Variants in ARHGAP42 observed in about 807,000 individuals in gnomAD.
ARHGAP42 encodes the protein rho GTPase-activating protein 42.
In ARHGAP42, 63 loss-of-function variants were observed where a neutral mutation model predicts 125.0. The observed-to-expected ratio is 0.50, with a 90% CI of 0.41 to 0.62. The LOEUF is 0.62. Ranked by LOEUF, ARHGAP42 falls within the 20% of genes least tolerant of loss-of-function variation. ARHGAP42 has a pLI of 0.00. For missense variants in ARHGAP42, 766 were observed against 1,024.2 expected, an observed-to-expected ratio of 0.75 and a Z score of 3.44; for synonymous variants, 339 against 351.0, an observed-to-expected ratio of 0.97 and a Z score of 0.38.
chr11:100,990,060 T>C lies in ARHGAP42; in HGVS notation c.*1259T>C, dbSNP rs566168622. 4 of 152,334 alleles carry C rather than the reference T, an allele frequency of 2.6e-5. No individual in the cohort carries two copies. Among genetic ancestry groups the C allele is most frequent in the African/African-American group, 9.6e-5 (4 of 41,580 alleles). 9.4% of individuals were successfully genotyped at this position (152,334 alleles called of 1,614,324 possible). A position where few individuals can be genotyped will look rare whatever the true frequency, so the allele number is the denominator to read the frequency against. ...GTAATAGGTATTTACTGTCCACTTA[T>C]ATATATCAGCATCTGGTCATGCACG... On this transcript the variant is annotated 3_prime_UTR_variant, in exon 24 of 24. Coordinates refer to ENST00000298815, the MANE Select transcript of ARHGAP42 (RefSeq NM_152432.4).
intron 17 of ARHGAP42, among the ~76,000 whole-genome samples, chr11:100,972,770 T>C: frequency 6.6e-6 from 1 of 152,154 alleles, no homozygotes; most frequent in East Asian, 1.9e-4. Context: ...CAATAATATG[T>C]AGGAAAATTC....
chr11:100,956,408 C>G (rs184524183), intron 12 of ARHGAP42, among the ~76,000 whole-genome samples: 101 of 152,258 alleles, frequency 6.6e-4, no homozygotes, highest in East Asian at 5.4e-3. Flanking sequence ...ATTGTTTTCA[C>G]TCTGGAACTT....
At chr11:100,697,452 G>A (rs533425791) in intron 1 of ARHGAP42, among the ~76,000 whole-genome samples, 1 of 152,326 alleles carries the variant, frequency 6.6e-6, no homozygotes, top group East Asian at 1.9e-4. Flanking sequence ...AAAGTGCTGG[G>A]ATTACAGGCG....
At chr11:100,929,125 T>C (rs1867506899) in intron 6 of ARHGAP42, among the ~76,000 whole-genome samples, 1 of 152,098 alleles carries the variant, frequency 6.6e-6, no homozygotes, top group African/African-American at 2.4e-5. Flanking sequence ...CATGAAAAAA[T>C]TGGTGAGGAG....
intron 2 of ARHGAP42, among the ~76,000 whole-genome samples, chr11:100,781,947 T>G (rs114883253): frequency 0.047 from 7,149 of 151,878 alleles, 569 homozygotes; most frequent in African/African-American, 0.16. Context: ...TTTTTTTTTT[T>G]TGTGCATTTA....
rs569833846 is a variant in ARHGAP42, at chr11:100,781,270, G to A, written c.250+10832G>A. On this transcript the variant is annotated intron_variant, in intron 2 of 23. Transcript: ENST00000298815. ...CTTTATGTACATGTGAGGGTGGGGA[G>A]GAACAACATGAACTGTTTTTTTTTT... is the stretch of plus-strand genomic sequence containing the variant. 2.2e-3 allele frequency among the ~76,000 whole-genome samples: 340 copies of A among 151,516 alleles called. 2 individuals are homozygous for A. The highest frequency in any genetic ancestry group is 7.8e-3 in the African/African-American group (319 of 41,114).
At chr11:100,930,405 C>T (rs866509009) in intron 6 of ARHGAP42, among the ~76,000 whole-genome samples, 1 of 152,104 alleles carries the variant, frequency 6.6e-6, no homozygotes, top group Non-Finnish European at 1.5e-5. Flanking sequence ...ATGCAATCTT[C>T]AATAAACCCA....
chr11:100,986,310 T>G (rs1377856464), intron 22 of ARHGAP42: 1 of 324,206 alleles, frequency 3.1e-6, no homozygotes, highest in African/African-American at 2.2e-5. Context: ...CATGTGAAGA[T>G]CAAGAGGAAA....
chr11:100,751,773 CTTTTTTTTTTT>C (rs757372755), intron 1 of ARHGAP42, among the ~76,000 whole-genome samples: 6 of 84,358 alleles, frequency 7.1e-5, no homozygotes, highest in African/African-American at 2.4e-4. Context: ...AGACAGGCAC[CTTTTTTTTTTT>C]TTTTTTTTTT....
chr11:100,782,709 T>C (rs986234541), intron 2 of ARHGAP42, among the ~76,000 whole-genome samples: 21 of 152,208 alleles, frequency 1.4e-4, no homozygotes, highest in Admixed American at 1.2e-3. Context: ...TTGTCAAGGA[T>C]AGAATTCAGG....
At chr11:100,962,360 G>A in intron 15 of ARHGAP42, 49 bp from the exon 16 acceptor site, 1 of 1,445,188 alleles carries the variant, frequency 6.9e-7, no homozygotes, top group Non-Finnish European at 9.5e-7. Flanking sequence ...GTTTAGGGGA[G>A]AATAAAAGAT....
At chr11:100,779,572 G>GTATATATATACGTATACATACGTA (rs1217628138) in intron 2 of ARHGAP42, among the ~76,000 whole-genome samples, 1 of 118,504 alleles carries the variant, frequency 8.4e-6, no homozygotes, top group Non-Finnish European at 1.8e-5. Flanking sequence ...GTATATATAC[G>GTATATATATACGTATACATACGTA]TATATATACA....
chr11:100,747,511 T>C (rs895671608), intron 1 of ARHGAP42, among the ~76,000 whole-genome samples: 2 of 152,370 alleles, frequency 1.3e-5, no homozygotes, highest in African/African-American at 4.8e-5. Context: ...AAAATCCTGT[T>C]GTGCTTTTAT....
At chr11:100,765,150 G>A (rs7927197) in intron 1 of ARHGAP42, among the ~76,000 whole-genome samples, 2 of 152,106 alleles carry the variant, frequency 1.3e-5, no homozygotes, top group African/African-American at 2.4e-5. Context: ...TAGCTTGGTA[G>A]GAGTTTTTAT....
At chr11:100,750,026 T>A (rs1862408159) in intron 1 of ARHGAP42, among the ~76,000 whole-genome samples, 1 of 152,136 alleles carries the variant, frequency 6.6e-6, no homozygotes, top group African/African-American at 2.4e-5. Flanking sequence ...TTCTCCTGAT[T>A]TCTCACCCCT....
At chr11:100,827,535 A>G (rs1362392020) in intron 3 of ARHGAP42, among the ~76,000 whole-genome samples, 3 of 152,144 alleles carry the variant, frequency 2.0e-5, no homozygotes, top group African/African-American at 7.2e-5. Context: ...CCACAGTGGA[A>G]ATGTTTACCT....
chr11:100,736,268 T>C (rs1466617697), intron 1 of ARHGAP42, among the ~76,000 whole-genome samples: 1 of 151,766 alleles, frequency 6.6e-6, no homozygotes, highest in African/African-American at 2.4e-5. Context: ...TTTTTCATTC[T>C]TTTACATCTC....
At chr11:100,978,907 A>T in intron 21 of ARHGAP42, 80 bp from the exon 22 acceptor site, 2 of 1,411,826 alleles carry the variant, frequency 1.4e-6, no homozygotes, top group Admixed American at 4.0e-5. Flanking sequence ...GTCTTGTTTA[A>T]CTGGCAATCA....
intron 17 of ARHGAP42, among the ~76,000 whole-genome samples, chr11:100,968,866 A>G (rs1466748173): frequency 6.6e-6 from 1 of 152,138 alleles, no homozygotes; most frequent in African/African-American, 2.4e-5. Flanking sequence ...TAAAATCAAG[A>G]AAAGGAAGGA....
Sources: allele counts gnomAD v4.1 joint callset (sites outside exome capture counted in the v4.1 genomes callset), GRCh38; gene constraint gnomAD v4.1.1; transcripts MANE v1.5; gene names NCBI Gene and HGNC (gene_info 2026-07-23, HGNC 2026-07-21).